CCDC34: variants seen among roughly 807,000 people sequenced by gnomAD.
CCDC34 encodes the protein coiled-coil domain-containing protein 34.
Under a neutral mutation model 44.1 loss-of-function variants are expected in CCDC34, and 40 were observed. The observed-to-expected ratio is 0.91, with a 90% CI of 0.70 to 1.18. The LOEUF is 1.18. Among genes scored for constraint, CCDC34 ranks in the 50% most tolerant of loss-of-function variants. The pLI is 0.00. For missense variants in CCDC34, 466 were observed against 452.3 expected, an observed-to-expected ratio of 1.03 and a Z score of -0.28; for synonymous variants, 159 against 158.2, an observed-to-expected ratio of 1.01 and a Z score of -0.04.
At position 27,341,430 on chromosome 11, in the gene CCDC34, T is replaced by C. The variant is rs1862356905; in HGVS notation, c.727A>G (p.Lys243Glu). Residue 243 changes from lysine (K) to glutamate (E), a missense_variant, in exon 4 of 6, where the codon AAA becomes GAA. By Grantham distance (56) the Lys-to-Glu change is moderately conservative (BLOSUM62 1). Transcript: ENST00000328697. ...TTCCTCTCACATTCTTCAGCATTTT[T>C]TTTCTTTAACCATTCTTGATATTTT... Reference protein sequence around the residue: ...KEKYQEWLKKKNAEECERKKK... With the variant: ...KEKYQEWLKKENAEECERKKK... The C allele has an allele frequency of 1.4e-6, 2 of 1,465,214 alleles. No homozygotes were observed. The highest frequency in any genetic ancestry group is 2.8e-5 in the African/African-American group (2 of 70,554). 90.8% of individuals were successfully genotyped at this position (1,465,214 alleles called of 1,614,324 possible). A position where few individuals can be genotyped will look rare whatever the true frequency, so the allele number is the denominator to read the frequency against.
chr11:27,350,236 G>C (rs1286458879), intron 3 of CCDC34, 96 bp downstream of exon 3: 1 of 1,601,928 alleles, frequency 6.2e-7, no homozygotes, highest in South Asian at 1.1e-5. Context: ...AAGACTCTAA[G>C]AGAAGTATTT....
intron 3 of CCDC34, among the ~76,000 whole-genome samples, chr11:27,346,509 A>AGGAC (rs1307672561): frequency 6.6e-6 from 1 of 151,454 alleles, no homozygotes; most frequent in Admixed American, 6.6e-5. Flanking sequence ...GAAGGAAGGA[A>AGGAC]GGAAAAAAGG....
In CCDC34 at chr11:27,360,086, A is replaced by C. The variant is rs574441300; in HGVS notation, c.360-2545T>G. On this transcript the variant is annotated intron_variant, in intron 1 of 5. Transcript: ENST00000328697. ...TTTGAATATTAAATTTCCTTCCTTA[A>C]TATTTATAACAAATGTGTTCAAAAT... Among the ~76,000 whole-genome samples the C allele has an allele frequency of 4.7e-4, 72 of 152,334 alleles. No homozygotes were observed. In the South Asian group the frequency reaches 0.015, roughly 32 times the overall value.
chr11:27,347,895 GAATT>G (rs1332831437), intron 3 of CCDC34, among the ~76,000 whole-genome samples: 1 of 151,974 alleles, frequency 6.6e-6, no homozygotes, highest in Non-Finnish European at 1.5e-5. Context: ...CAGCTCAATA[GAATT>G]AATTCTGAAA....
chr11:27,362,153 T>C (rs1217881821), intron 1 of CCDC34, among the ~76,000 whole-genome samples: 10 of 152,252 alleles, frequency 6.6e-5, no homozygotes. Context: ...TAGAGACCAG[T>C]ATCTTGTTTA....
intron 1 of CCDC34, among the ~76,000 whole-genome samples, chr11:27,360,327 T>A (rs937737367): frequency 6.6e-6 from 1 of 152,184 alleles, no homozygotes; most frequent in Admixed American, 6.5e-5. Context: ...GAGCTTAATC[T>A]CAGTTCTGAC....
intron 3 of CCDC34, among the ~76,000 whole-genome samples, chr11:27,347,634 T>G (rs1227699994): frequency 6.6e-6 from 1 of 152,138 alleles, no homozygotes; most frequent in African/African-American, 2.4e-5. Context: ...AGACTATATA[T>G]TCTATCATTC....
chr11:27,344,920 C>T (rs1281612340), intron 3 of CCDC34, among the ~76,000 whole-genome samples: 1 of 152,150 alleles, frequency 6.6e-6, no homozygotes, highest in Admixed American at 6.5e-5. Flanking sequence ...GGAGGATTTA[C>T]ACTATCTGAT....
chr11:27,340,812 T>G lies in CCDC34; in HGVS notation c.791A>C (p.Glu264Ala), dbSNP rs17244028. 516,653 of 1,611,912 alleles carry G rather than the reference T, an allele frequency of 0.32. 89,039 individuals carry two copies. Among genetic ancestry groups the G allele is most frequent in the Non-Finnish European group, 0.36 (427,049 of 1,178,624 alleles). The change falls in exon 5 of 6, where the codon GAA (glutamate) becomes GCA (alanine). Residue 264 changes from glutamate to alanine, a missense_variant. By Grantham distance (107) the Glu-to-Ala change is moderately radical. Coordinates refer to ENST00000328697, the MANE Select transcript of CCDC34 (RefSeq NM_030771.2). ...TGCTATTTCCTTTTTCTCCTGTATT[T>G]CAGCTTGCTGTTGTTTTTCTTTTTC... is the stretch of plus-strand genomic sequence containing the variant. ...EKEKEKQQQAEIQEKKEIAEK... is the reference protein window; with the variant it reads ...EKEKEKQQQAAIQEKKEIAEK...
chr11:27,349,060 T>C, intron 3 of CCDC34: 2 of 985,238 alleles, frequency 2.0e-6, no homozygotes, highest in Non-Finnish European at 2.4e-6. Flanking sequence ...AGAAGTATCT[T>C]ACATTCCTAG....
intron 1 of CCDC34, among the ~76,000 whole-genome samples, chr11:27,358,962 C>CA (rs1396222135): frequency 9.2e-6 from 1 of 108,778 alleles, no homozygotes; most frequent in East Asian, 4.1e-4. Context: ...ATGTGGACCC[C>CA]CCCCCCCCAC....
At chr11:27,341,020 G>A (rs1862350393) in intron 4 of CCDC34, among the ~76,000 whole-genome samples, 183 bp from the exon 5 acceptor site, 1 of 152,028 alleles carries the variant, frequency 6.6e-6, no homozygotes, top group African/African-American at 2.4e-5. Flanking sequence ...ACATTAAGGT[G>A]TCTGGCTCTG....
chr11:27,359,160 T>C (rs1315946465), intron 1 of CCDC34, among the ~76,000 whole-genome samples: 1 of 152,128 alleles, frequency 6.6e-6, no homozygotes, highest in Non-Finnish European at 1.5e-5. Flanking sequence ...CTTTCTATCA[T>C]GTCACTCCTC....
chr11:27,362,854 T>C lies in CCDC34; in HGVS notation c.341A>G (p.Glu114Gly), dbSNP rs143010465. The change falls in exon 1 of 6, where the codon GAG (glutamate) becomes GGG (glycine). Residue 114 changes from glutamate to glycine, a missense_variant. Coordinates refer to ENST00000328697, the MANE Select transcript of CCDC34 (RefSeq NM_030771.2). The stretch of plus-strand genomic sequence containing the variant: ...GGTTTACCTGGCGCACCCCTGTAAC[T>C]CCATTCCTCTCAGGCTCGCCACTTT... The part of the protein sequence containing the change: ...EAKVASLRGM[E>G]LQGCASTQVE... 199 of 1,614,046 alleles carry C rather than the reference T, an allele frequency of 1.2e-4. No individual in the cohort carries two copies. The African/African-American group carries it at 2.0e-3, about 17-fold the overall frequency.
At chr11:27,350,876 A>G (rs56095176) in intron 2 of CCDC34, among the ~76,000 whole-genome samples, 6,880 of 152,312 alleles carry the variant, frequency 0.045, 154 homozygotes, top group Middle Eastern at 0.088. Context: ...AATTTAATTC[A>G]GTTACACAAA....
intron 2 of CCDC34, among the ~76,000 whole-genome samples, chr11:27,353,338 C>T (rs1200217514): frequency 6.6e-6 from 1 of 151,084 alleles, no homozygotes; most frequent in East Asian, 1.9e-4. Flanking sequence ...AAAAAGAAGG[C>T]ACCAGGACTA....
chr11:27,339,288 C>G (rs1371517111), intron 5 of CCDC34, among the ~76,000 whole-genome samples: 1 of 151,904 alleles, frequency 6.6e-6, no homozygotes, highest in Non-Finnish European at 1.5e-5. Flanking sequence ...GTGTTAAAAC[C>G]TATGTAAATC....
intron 3 of CCDC34, chr11:27,349,508 A>T (rs1483278442): frequency 1.1e-6 from 1 of 909,228 alleles, no homozygotes. Flanking sequence ...ATTAAAATTT[A>T]AAATATTGTC....
chr11:27,347,765 A>C (rs79219121), intron 3 of CCDC34, among the ~76,000 whole-genome samples: 117 of 152,186 alleles, frequency 7.7e-4, no homozygotes, highest in Non-Finnish European at 1.4e-3. Flanking sequence ...AAAGGGGCAA[A>C]AGGAAACTCT....
Sources: gnomAD v4.1 joint callset for allele counts (sites outside exome capture counted in the v4.1 genomes callset) on GRCh38, gnomAD v4.1.1 for gene constraint, MANE v1.5 for transcripts, NCBI Gene and HGNC (gene_info 2026-07-23, HGNC 2026-07-21) for gene names.